TG: variants seen among roughly 807,000 people sequenced by gnomAD.
TG encodes thyroglobulin, also known as thyroid hormones.
Under a neutral mutation model 324.7 loss-of-function variants are expected in TG, and 270 were observed. That is an observed-to-expected ratio of 0.83 (90% CI 0.75 to 0.92). The LOEUF (loss-of-function observed/expected upper bound fraction) is 0.92, where lower values mean the gene tolerates loss of function less well. TG is among the 40% of genes least tolerant of loss of function. TG has a pLI of 0.00. For missense variants in TG, 3,591 were observed against 3,456.4 expected (o/e 1.04, Z -0.98); for synonymous variants, 1,401 against 1,327.0 (o/e 1.06, Z -1.21).
chr8:133,047,551 T>G, intron 41 of TG: 1 of 458,732 alleles, frequency 2.2e-6, no homozygotes, highest in Non-Finnish European at 4.0e-6. Context: ...TGCGTTCAGT[T>G]TTGTTCTCAG....
intron 43 of TG, among the ~76,000 whole-genome samples, chr8:133,099,550 C>CT (rs1391824906): frequency 6.6e-6 from 1 of 152,200 alleles, no homozygotes; most frequent in African/African-American, 2.4e-5. Flanking sequence ...CAATGGCCCA[C>CT]TTGACATCTT....
intron 5 of TG, among the ~76,000 whole-genome samples, chr8:132,878,779 G>A (rs755539499): frequency 5.9e-5 from 9 of 152,078 alleles, no homozygotes; most frequent in Non-Finnish European, 1.2e-4. Context: ...CCTTGAAGTT[G>A]GAGGCATGCA....
At chr8:133,122,028 T>C (rs193050211) in intron 45 of TG, among the ~76,000 whole-genome samples, 32 of 152,320 alleles carry the variant, frequency 2.1e-4, no homozygotes, top group Admixed American at 1.2e-3. Context: ...CAAATCTACA[T>C]ACTTAAAATA....
At chr8:132,922,440 G>A (rs959549777) in intron 21 of TG, among the ~76,000 whole-genome samples, 1 of 152,156 alleles carries the variant, frequency 6.6e-6, no homozygotes, top group African/African-American at 2.4e-5. Flanking sequence ...AACGTCTATC[G>A]AGTGGGAGGC....
chr8:133,085,447 AT>A (rs1846373929), intron 41 of TG, among the ~76,000 whole-genome samples: 1 of 152,212 alleles, frequency 6.6e-6, no homozygotes, highest in South Asian at 2.1e-4. Flanking sequence ...ATATTTGCAA[AT>A]TATGTATCTA....
chr8:133,001,060 G>A (rs902963848), intron 35 of TG, among the ~76,000 whole-genome samples: 9 of 152,020 alleles, frequency 5.9e-5, no homozygotes, highest in Non-Finnish European at 1.2e-4. Context: ...CTCTGTGCAC[G>A]TGTCTCTGTC....
chr8:133,134,645 T>C, intron 47 of TG, 31 bp from the exon 48 acceptor site: 1 of 1,600,740 alleles, frequency 6.2e-7, no homozygotes, highest in Non-Finnish European at 8.6e-7. Flanking sequence ...TAATCTGGCT[T>C]GGACCAACCT....
chr8:133,062,954 C>A (rs1225190487), intron 41 of TG, among the ~76,000 whole-genome samples: 1 of 152,228 alleles, frequency 6.6e-6, no homozygotes, highest in African/African-American at 2.4e-5. Flanking sequence ...CCTGCACATG[C>A]CTGCCTCTGT....
Position 132,882,926 on chromosome 8 carries a change from G to C in TG, c.1002G>C (p.Gly334=). 6.2e-7 allele frequency: 1 copy of C among 1,614,206 alleles called. No individual in the cohort carries two copies. The highest frequency in any genetic ancestry group is 8.5e-7 in the Non-Finnish European group (1 of 1,180,036). The change falls in exon 8 of 48, where the codon GGG becomes GGC. Residue 334 remains glycine, a synonymous_variant. Transcript: ENST00000220616. ...DYQAVQCQTE[G]PCWCVDAQGK... ...AGGCGGTGCAGTGCCAGACGGAAGG[G>C]CCCTGCTGGTGTGTGGACGCCCAGG...
chr8:132,888,671 T>A, intron 10 of TG, 103 bp downstream of exon 10: 9 of 1,241,694 alleles, frequency 7.2e-6, no homozygotes, highest in Non-Finnish European at 9.8e-6. Flanking sequence ...GGGTATTGAG[T>A]GTCAAAGCTG....
intron 43 of TG, 79 bp downstream of exon 43, chr8:133,096,452 A>G (rs1848428804): frequency 5.1e-6 from 8 of 1,559,974 alleles, no homozygotes; most frequent in Non-Finnish European, 6.2e-6. Context: ...GACTTGATCA[A>G]GAGATATTGA....
At chr8:132,901,331 A>C in intron 15 of TG, 22 bp from the exon 16 acceptor site, 1 of 1,613,916 alleles carries the variant, frequency 6.2e-7, no homozygotes, top group South Asian at 1.1e-5. Context: ...TCCCCAGCCC[A>C]TCTGGCTTGT....
intron 46 of TG, among the ~76,000 whole-genome samples, chr8:133,132,391 T>C (rs1852011653): frequency 6.6e-6 from 1 of 152,214 alleles, no homozygotes; most frequent in Non-Finnish European, 1.5e-5. Context: ...CCACTGTCTC[T>C]CCACAGAGGG....
At chr8:132,906,148 G>C (rs570905978) in intron 16 of TG, among the ~76,000 whole-genome samples, 1 of 152,302 alleles carries the variant, frequency 6.6e-6, no homozygotes, top group African/African-American at 2.4e-5. Flanking sequence ...TGGCAGTTCA[G>C]GCAGAAAATG....
intron 41 of TG, among the ~76,000 whole-genome samples, chr8:133,082,594 G>A (rs935391175): frequency 6.6e-6 from 1 of 152,140 alleles, no homozygotes; most frequent in Non-Finnish European, 1.5e-5. Context: ...GAGCAATAAG[G>A]CCTTTGCGGC....
intron 41 of TG, chr8:133,060,476 G>T (rs1842212440): frequency 2.0e-6 from 2 of 1,005,238 alleles, no homozygotes; most frequent in South Asian, 1.6e-5. Flanking sequence ...CCTTGCTGAG[G>T]ATGGTAAGCA....
At chr8:132,876,753 G>C (rs920129226) in intron 5 of TG, among the ~76,000 whole-genome samples, 1 of 152,204 alleles carries the variant, frequency 6.6e-6, no homozygotes, top group East Asian at 1.9e-4. Context: ...ACCAGTAACT[G>C]TGGACACACA....
At chr8:132,873,338 C>T in intron 5 of TG, 117 bp downstream of exon 5, 1 of 1,384,316 alleles carries the variant, frequency 7.2e-7, no homozygotes, top group Non-Finnish European at 1.0e-6. Flanking sequence ...TTAAGAGCTG[C>T]CTCATTCTCA....
At chr8:132,894,893 A>G (rs565419929) in intron 11 of TG, among the ~76,000 whole-genome samples, 1 of 152,322 alleles carries the variant, frequency 6.6e-6, no homozygotes, top group Non-Finnish European at 1.5e-5. Context: ...TTCTTTGCAA[A>G]TGGGGAAATG....
Sources: allele counts gnomAD v4.1 joint callset (sites outside exome capture counted in the v4.1 genomes callset), GRCh38; gene constraint gnomAD v4.1.1; transcripts MANE v1.5; gene names NCBI Gene and HGNC (gene_info 2026-07-23, HGNC 2026-07-21).